KLF8: variants seen among roughly 807,000 people sequenced by gnomAD.
KLF8 encodes Krueppel-like factor 8.
A neutral mutation model predicts 18.2 loss-of-function variants in KLF8; 10 were observed. The ratio of observed to expected loss-of-function variants is 0.55; its 90% CI spans 0.34 to 0.93. The LOEUF (loss-of-function observed/expected upper bound fraction) is 0.93, where lower values mean the gene tolerates loss of function less well. Among genes scored for constraint, KLF8 ranks in the 40% least tolerant of loss-of-function variants. The pLI, the probability that KLF8 is intolerant of heterozygous loss-of-function variation, is 0.02. For synonymous variants in KLF8, 109 were observed against 97.3 expected (o/e 1.12, Z -0.71); for missense variants, 264 against 277.9 (o/e 0.95, Z 0.36).
the KLF8 span, among the ~76,000 whole-genome samples, chrX:55,973,150 C>T: frequency 8.9e-6 from 1 of 112,015 alleles, no homozygotes; most frequent in Non-Finnish European, 1.9e-5. Context: ...ACTGGCTAGC[C>T]ATAAGCAGAA....
chrX:56,206,113 G>A, the KLF8 span, among the ~76,000 whole-genome samples: 1 of 110,810 alleles, frequency 9.0e-6, no homozygotes, highest in East Asian at 2.9e-4. Context: ...CAGTGTAGGG[G>A]AAACCACCCC....
At chrX:55,909,141 G>A in the KLF8 span, among the ~76,000 whole-genome samples, 1 of 112,115 alleles carries the variant, frequency 8.9e-6, no homozygotes, top group Non-Finnish European at 1.9e-5. Context: ...TGAGCTAGGA[G>A]GGCTCCATCT....
At chrX:55,946,681 C>T in the KLF8 span, among the ~76,000 whole-genome samples, 1 of 111,438 alleles carries the variant, frequency 9.0e-6, no homozygotes, top group Non-Finnish European at 1.9e-5. Context: ...AAAGAAACTA[C>T]CATGAGAGTG....
rs1055217704 is a variant in KLF8 at position 56,233,411 on chromosome X, C to A, written c.7+70C>A. 2.4e-5 allele frequency: 19 copies of A among 800,996 alleles called. No homozygotes were observed. The East Asian group carries it at 5.4e-4, about 23-fold the overall frequency. 66.0% of individuals were successfully genotyped at this position (800,996 alleles called of 1,213,427 possible). On this transcript the variant is annotated intron_variant, in intron 1 of 5. Transcript: ENST00000468660. Reference sequence around the variant, plus strand: ...GTCTAGATTCTATCCCCCTCCCAGTCCCCCTGCTCCCCCCACACACCCCAC... The same window carrying A: ...GTCTAGATTCTATCCCCCTCCCAGTACCCCTGCTCCCCCCACACACCCCAC...
At chrX:56,085,500 T>C in the KLF8 span, among the ~76,000 whole-genome samples, 1 of 107,955 alleles carries the variant, frequency 9.3e-6, no homozygotes, top group African/African-American at 3.7e-5. Flanking sequence ...CCACCTTTTG[T>C]TCTATTCAGG....
chrX:56,119,915 A>C, the KLF8 span, among the ~76,000 whole-genome samples: 1 of 108,998 alleles, frequency 9.2e-6, no homozygotes, highest in African/African-American at 3.3e-5. Flanking sequence ...TTTGGGTACT[A>C]GAAAATTTGG....
chrX:56,087,087 T>C, the KLF8 span, among the ~76,000 whole-genome samples: 1 of 111,280 alleles, frequency 9.0e-6, no homozygotes, highest in African/African-American at 3.3e-5. Flanking sequence ...AGTAGAGGCC[T>C]CTATTAGGGT....
At chrX:55,971,703 T>G in the KLF8 span, among the ~76,000 whole-genome samples, 2 of 110,025 alleles carry the variant, frequency 1.8e-5, no homozygotes, top group Non-Finnish European at 3.8e-5. Context: ...CTCAAACAAC[T>G]CTATAGGAAA....
At chrX:56,162,798 C>CCACTT in the KLF8 span, among the ~76,000 whole-genome samples, 1 of 111,227 alleles carries the variant, frequency 9.0e-6, no homozygotes, top group Non-Finnish European at 1.9e-5. Flanking sequence ...TCTGACACTC[C>CCACTT]TCAGTGAGAT....
the KLF8 span, among the ~76,000 whole-genome samples, chrX:56,044,821 C>A: frequency 4.4e-5 from 5 of 112,665 alleles, no homozygotes; most frequent in Admixed American, 4.7e-4. Context: ...GAGGAGACTG[C>A]AGAATGATGC....
At chrX:56,092,627 T>A in the KLF8 span, among the ~76,000 whole-genome samples, 1 of 111,494 alleles carries the variant, frequency 9.0e-6, no homozygotes, top group East Asian at 2.8e-4. Context: ...TCTGTTCCAT[T>A]TGTCTGTGTG....
At chrX:55,986,867 A>G in the KLF8 span, among the ~76,000 whole-genome samples, 2 of 111,511 alleles carry the variant, frequency 1.8e-5, no homozygotes, top group Non-Finnish European at 3.8e-5. Context: ...CTCTCAAATA[A>G]CATGTAGTAT....
At chrX:56,029,604 T>C in the KLF8 span, among the ~76,000 whole-genome samples, 1 of 112,050 alleles carries the variant, frequency 8.9e-6, no homozygotes, top group East Asian at 2.8e-4. Context: ...TTGAGCTCGA[T>C]CCCCTTCAGT....
At chrX:56,136,500 G>A in the KLF8 span, among the ~76,000 whole-genome samples, 1 of 111,559 alleles carries the variant, frequency 9.0e-6, no homozygotes, top group African/African-American at 3.3e-5. Flanking sequence ...ACAAGCAATG[G>A]GGAAAGGATT....
At chrX:56,129,838 T>G in the KLF8 span, among the ~76,000 whole-genome samples, 1 of 111,053 alleles carries the variant, frequency 9.0e-6, no homozygotes, top group African/African-American at 3.3e-5. Flanking sequence ...TGGGGCACGG[T>G]GGGAGTGAGA....
chrX:55,909,345 C>G, the KLF8 span, among the ~76,000 whole-genome samples: 1 of 112,685 alleles, frequency 8.9e-6, no homozygotes, highest in African/African-American at 3.2e-5. Flanking sequence ...CCAAGTTACA[C>G]ATTAGTTAAC....
chrX:55,974,849 A>G, the KLF8 span, among the ~76,000 whole-genome samples: 1 of 112,194 alleles, frequency 8.9e-6, no homozygotes, highest in Non-Finnish European at 1.9e-5. Context: ...TAGTGTGAAC[A>G]TTTTAATAAT....
At chrX:56,042,327 C>T in the KLF8 span, among the ~76,000 whole-genome samples, 8 of 111,709 alleles carry the variant, frequency 7.2e-5, no homozygotes, top group African/African-American at 2.6e-4. Flanking sequence ...TGCCATGTAG[C>T]AATGAGAAGA....
chrX:56,048,494 A>G, the KLF8 span, among the ~76,000 whole-genome samples: 2 of 111,936 alleles, frequency 1.8e-5, no homozygotes, highest in African/African-American at 3.2e-5. Context: ...ATGGCTAGCC[A>G]GTTTTCCCAG....
Sources: gnomAD v4.1 joint callset for allele counts (sites outside exome capture counted in the v4.1 genomes callset) on GRCh38, gnomAD v4.1.1 for gene constraint, MANE v1.5 for transcripts, NCBI Gene and HGNC (gene_info 2026-07-23, HGNC 2026-07-21) for gene names.